The following XAF1 variants were observed in gnomAD, a reference collection of about 807,000 sequenced individuals.
XAF1 encodes the protein XIAP-associated factor 1.
In XAF1, 32 loss-of-function variants were observed where a neutral mutation model predicts 32.3. That is an observed-to-expected ratio of 0.99 (90% CI 0.75 to 1.33). The LOEUF (loss-of-function observed/expected upper bound fraction) is 1.33, where lower values mean the gene tolerates loss of function less well. Ranked by LOEUF, XAF1 falls within the 40% of genes most tolerant of loss-of-function variation. The pLI is 0.00. For synonymous variants in XAF1, 120 were observed against 125.9 expected, an observed-to-expected ratio of 0.95 and a Z score of 0.31; for missense variants, 379 against 366.0, an observed-to-expected ratio of 1.04 and a Z score of -0.29.
chr17:6,770,984 G>C lies in XAF1; in HGVS notation c.849G>C (p.Gln283His). 1 of 1,613,988 alleles carries C rather than the reference G, an allele frequency of 6.2e-7. No individual in the cohort carries two copies. The highest frequency in any genetic ancestry group is 8.5e-7 in the Non-Finnish European group (1 of 1,179,960). ...CCCTGCCGATCCTAAATCAACATCAGGTACTCAGCCTCTGTTCTCTGCTTA... is the reference window on the plus strand; with the variant it reads ...CCCTGCCGATCCTAAATCAACATCACGTACTCAGCCTCTGTTCTCTGCTTA... ...LLPLPILNQH[Q>H]EKCRWLASSK... The change falls in exon 6 of 7, where the codon CAG becomes CAC. Residue 283 changes from glutamine to histidine, a missense_variant and splice_region_variant. Transcript: ENST00000361842.
intron 6 of XAF1, chr17:6,771,350 C>CA (rs1976020921): frequency 1.2e-5 from 2 of 166,038 alleles, no homozygotes; most frequent in Admixed American, 1.2e-4. Context: ...GTAGATATGG[C>CA]ACTGAGGCCC....
In XAF1 at chr17:6,774,674, T is replaced by C. The variant is rs1328710411; in HGVS notation, c.*1505T>C. On this transcript the variant is annotated 3_prime_UTR_variant, in exon 7 of 7. Coordinates refer to ENST00000361842, the MANE Select transcript of XAF1 (RefSeq NM_017523.5). The stretch of plus-strand genomic sequence containing the variant: ...TCATAAAGACATATATACACAAATG[T>C]TCACGGCAGCACTATACACAATCGC... 6.6e-6 allele frequency: 1 copy of C among 152,188 alleles called. No individual in the cohort carries two copies. The highest frequency in any genetic ancestry group is 1.5e-5 in the Non-Finnish European group (1 of 68,036). The allele number at this position is 152,188 out of a possible 1,614,324, so 9.4% of individuals were successfully genotyped here.
Position 6,760,079 on chromosome 17 carries a change from G to A in XAF1, c.226-327G>A, listed in dbSNP as rs538078215. 2.1e-3 allele frequency among the ~76,000 whole-genome samples: 325 copies of A among 152,338 alleles called. 1 individual carries two copies. The highest frequency in any genetic ancestry group is 7.3e-3 in the African/African-American group (302 of 41,590). ...AGAGGCCAGTGATCGGCCAGGCGCA[G>A]TGGCACACGCCTGTAATCCCAGCAC... On this transcript the variant is annotated intron_variant, in intron 3 of 6. Coordinates refer to ENST00000361842, the MANE Select transcript of XAF1 (RefSeq NM_017523.5).
At position 6,760,466 on chromosome 17, in the gene XAF1, AG is replaced by A. The variant is rs1252314096; in HGVS notation, c.287del (p.Ser96ThrfsTer64). ...GTTCTGCAAACTGGACATGCAGCTC[AG>A]CAAGCTGGAGCTCCACGAGTCCTAC... The part of the protein sequence containing the change: ...CKFCKLDMQL[S>X]KLELHESYCG... On this transcript the variant is annotated frameshift_variant, in exon 4 of 7. Transcript: ENST00000361842. LOFTEE classifies it high-confidence loss of function. 1 of 1,613,156 alleles carries A rather than the reference AG, an allele frequency of 6.2e-7. No homozygotes were observed. Among genetic ancestry groups the A allele is most frequent in the East Asian group, 2.2e-5 (1 of 44,854 alleles).
Position 6,770,829 on chromosome 17 carries a change from C to A in XAF1, c.694C>A (p.Pro232Thr). ...LHSESSSKKAPRSKNKTLDPL... is the reference protein window; with the variant it reads ...LHSESSSKKATRSKNKTLDPL... ...TTCTGAAAGTTCATCAAAGAAAGCA[C>A]CAAGAAGCAAAAACAAAACCTTGGA... is the stretch of plus-strand genomic sequence containing the variant. Residue 232 changes from proline (P) to threonine (T), a missense_variant, in exon 6 of 7, where the codon CCA becomes ACA. By Grantham distance (38) the Pro-to-Thr change is conservative. Transcript: ENST00000361842. 1 of 1,613,668 alleles carries A rather than the reference C, an allele frequency of 6.2e-7. No homozygotes were observed. The highest frequency in any genetic ancestry group is 8.5e-7 in the Non-Finnish European group (1 of 1,179,890).
intron 5 of XAF1, among the ~76,000 whole-genome samples, chr17:6,763,390 T>C (rs1975362515): frequency 6.6e-6 from 1 of 152,114 alleles, no homozygotes; most frequent in Admixed American, 6.6e-5. Context: ...TGCAGTGGCG[T>C]GATCTCGGCT....
chr17:6,760,237 A>C (rs1032651866), intron 3 of XAF1, among the ~76,000 whole-genome samples, 169 bp from the exon 4 acceptor site: 5 of 151,066 alleles, frequency 3.3e-5, no homozygotes, highest in Admixed American at 2.7e-4. Context: ...GGTCCCAGCC[A>C]CTTGGGAGGC....
intron 5 of XAF1, among the ~76,000 whole-genome samples, chr17:6,762,722 C>T (rs1194642951): frequency 2.6e-5 from 4 of 152,224 alleles, no homozygotes; most frequent in Non-Finnish European, 5.9e-5. Flanking sequence ...CCTGGGAACA[C>T]TCACAGGTTC....
chr17:6,757,669 A>G (rs1218314684), intron 1 of XAF1, among the ~76,000 whole-genome samples: 1 of 83,418 alleles, frequency 1.2e-5, no homozygotes, highest in African/African-American at 4.8e-5. Flanking sequence ...CATTTTAAAA[A>G]CAGCCTTATA....
chr17:6,759,346 AG>A (rs1974985962), intron 2 of XAF1: 18 of 1,312,538 alleles, frequency 1.4e-5, no homozygotes, highest in Non-Finnish European at 1.7e-5. Flanking sequence ...TGAAAAAGGA[AG>A]GTCCTGGAAG....
At chr17:6,756,145 C>T in intron 1 of XAF1, 35 bp downstream of exon 1, 1 of 1,613,886 alleles carries the variant, frequency 6.2e-7, no homozygotes, top group Non-Finnish European at 8.5e-7. Flanking sequence ...CAGACCCGGG[C>T]TGGCGAGGGA....
At chr17:6,761,356 T>C (rs557888951) in intron 4 of XAF1, among the ~76,000 whole-genome samples, 1 of 152,352 alleles carries the variant, frequency 6.6e-6, no homozygotes, top group African/African-American at 2.4e-5. Context: ...TAGGGCTTTT[T>C]CCATTATCAA....
intron 2 of XAF1, chr17:6,759,152 A>G: frequency 9.8e-7 from 1 of 1,017,098 alleles, no homozygotes; most frequent in South Asian, 3.8e-5. Flanking sequence ...GAAGTCATTT[A>G]GCCCCTCCAC....
In XAF1 at chr17:6,774,375, T is replaced by C. The variant is rs1224019688; in HGVS notation, c.*1206T>C. 5 of 152,302 alleles carry C rather than the reference T, an allele frequency of 3.3e-5. No homozygotes were observed. The highest frequency in any genetic ancestry group is 1.2e-4 in the African/African-American group (5 of 41,570). 9.4% of individuals were successfully genotyped at this position (152,302 alleles called of 1,614,324 possible). ...TAACTAGCTAGCCATATGCAGAGGA[T>C]TGAAACTGAACCACTTCCTTACACC... On this transcript the variant is annotated 3_prime_UTR_variant, in exon 7 of 7. Transcript: ENST00000361842.
At chr17:6,764,468 A>G (rs796930726) in intron 5 of XAF1, among the ~76,000 whole-genome samples, 9 of 152,354 alleles carry the variant, frequency 5.9e-5, no homozygotes, top group African/African-American at 1.9e-4. Context: ...AGGTAACAAC[A>G]AAGTCTCACA....
intron 4 of XAF1, among the ~76,000 whole-genome samples, chr17:6,760,944 T>TGG (rs1320587543): frequency 1.3e-5 from 2 of 152,016 alleles, no homozygotes; most frequent in African/African-American, 4.8e-5. Flanking sequence ...CACCTGAGGT[T>TGG]GGGAGTTCGA....
chr17:6,755,916 T>C (rs1015421507), upstream of XAF1: 31 of 1,474,318 alleles, frequency 2.1e-5, no homozygotes, highest in African/African-American at 4.2e-4. Flanking sequence ...AAGGGGCTTC[T>C]TGGGAGGGTC....
intron 4 of XAF1, among the ~76,000 whole-genome samples, chr17:6,761,231 C>T (rs1169195548): frequency 6.6e-6 from 1 of 152,172 alleles, no homozygotes; most frequent in Non-Finnish European, 1.5e-5. Context: ...ACAGTCCTAG[C>T]CTGGCAGAGA....
chr17:6,768,158 C>T (rs761162824), intron 5 of XAF1, among the ~76,000 whole-genome samples: 6 of 150,900 alleles, frequency 4.0e-5, no homozygotes, highest in Non-Finnish European at 7.4e-5. Context: ...AAGTCTCACT[C>T]TGTTGCCTGG....
Sources: gnomAD v4.1 joint callset for allele counts (sites outside exome capture counted in the v4.1 genomes callset) on GRCh38, gnomAD v4.1.1 for gene constraint, MANE v1.5 for transcripts, NCBI Gene and HGNC (gene_info 2026-07-23, HGNC 2026-07-21) for gene names.